Variants in MAGI2 observed in about 807,000 individuals in gnomAD.
MAGI2 encodes the protein membrane-associated guanylate kinase, WW and PDZ domain-containing protein 2.
In MAGI2, 35 loss-of-function variants were observed where a neutral mutation model predicts 133.3. That is an observed-to-expected ratio of 0.26 (90% CI 0.20 to 0.35). The LOEUF is 0.35. Ranked by LOEUF, MAGI2 falls within the 10% of genes least tolerant of loss-of-function variation. MAGI2 has a pLI of 1.00. For synonymous variants in MAGI2, 729 were observed against 710.6 expected, an observed-to-expected ratio of 1.03 and a Z score of -0.41; for missense variants, 1,636 against 1,863.4, an observed-to-expected ratio of 0.88 and a Z score of 2.25.
chr7:78,357,764 T>A (rs1792242834), intron 7 of MAGI2, among the ~76,000 whole-genome samples: 1 of 152,092 alleles, frequency 6.6e-6, no homozygotes, highest in African/African-American at 2.4e-5. Flanking sequence ...TTCTTTTGCC[T>A]TTAGTAGATC....
At chr7:78,591,001 C>T (rs942828088) in intron 3 of MAGI2, among the ~76,000 whole-genome samples, 2 of 152,102 alleles carry the variant, frequency 1.3e-5, no homozygotes, top group Non-Finnish European at 2.9e-5. Context: ...CTCTGACTTT[C>T]CTCTCTATAT....
intron 1 of MAGI2, among the ~76,000 whole-genome samples, chr7:79,422,986 G>T (rs1043507120): frequency 7.9e-5 from 12 of 152,016 alleles, no homozygotes; most frequent in African/African-American, 2.9e-4. Flanking sequence ...ACAAACTCAT[G>T]AAACATAAGA....
At chr7:78,770,453 C>G (rs565519738) in intron 2 of MAGI2, among the ~76,000 whole-genome samples, 2 of 152,330 alleles carry the variant, frequency 1.3e-5, no homozygotes, top group South Asian at 2.1e-4. Context: ...GTTCTCTGAA[C>G]TATTCTGACA....
At chr7:79,153,167 T>G (rs1823429224) in intron 1 of MAGI2, among the ~76,000 whole-genome samples, 1 of 152,168 alleles carries the variant, frequency 6.6e-6, no homozygotes, top group Admixed American at 6.5e-5. Flanking sequence ...ATACCCAGGA[T>G]AGTTGAGAAT....
intron 2 of MAGI2, among the ~76,000 whole-genome samples, chr7:78,629,986 A>G (rs1808783296): frequency 6.6e-6 from 1 of 151,912 alleles, no homozygotes; most frequent in Non-Finnish European, 1.5e-5. Flanking sequence ...TAAATTAAAT[A>G]AATATTTTAT....
chr7:78,498,132 G>T (rs1485727139), intron 5 of MAGI2, among the ~76,000 whole-genome samples: 1 of 151,446 alleles, frequency 6.6e-6, no homozygotes, highest in African/African-American at 2.4e-5. Flanking sequence ...GCTGAGAGTA[G>T]ATTTTAAGTG....
At chr7:79,096,253 T>C (rs1817501447) in intron 1 of MAGI2, among the ~76,000 whole-genome samples, 1 of 152,156 alleles carries the variant, frequency 6.6e-6, no homozygotes, top group African/African-American at 2.4e-5. Context: ...TCAGGGTAGT[T>C]ATTCCCCAGT....
intron 21 of MAGI2, among the ~76,000 whole-genome samples, chr7:78,074,924 C>T (rs1269709598): frequency 6.6e-6 from 1 of 152,202 alleles, no homozygotes; most frequent in Admixed American, 6.5e-5. Flanking sequence ...AGACTGCTCT[C>T]CTTAGAAAGG....
intron 9 of MAGI2, among the ~76,000 whole-genome samples, chr7:78,336,000 A>G (rs138714741): frequency 2.0e-5 from 3 of 152,316 alleles, no homozygotes; most frequent in Admixed American, 6.5e-5. Flanking sequence ...AAACCGTTAA[A>G]TCAAGACAAC....
intron 7 of MAGI2, among the ~76,000 whole-genome samples, chr7:78,354,415 A>G (rs1292399656): frequency 1.3e-5 from 2 of 152,220 alleles, no homozygotes; most frequent in Non-Finnish European, 2.9e-5. Flanking sequence ...TCAGAGAATT[A>G]CCAAGGACAC....
At chr7:78,076,836 G>C (rs370885499) in intron 21 of MAGI2, among the ~76,000 whole-genome samples, 2 of 105,950 alleles carry the variant, frequency 1.9e-5, no homozygotes, top group South Asian at 7.0e-4. Flanking sequence ...CTGGGCGACA[G>C]AGCGAGACTC....
intron 9 of MAGI2, among the ~76,000 whole-genome samples, chr7:78,294,093 ATTCT>A (rs1322386618): frequency 5.3e-5 from 8 of 152,090 alleles, no homozygotes; most frequent in Non-Finnish European, 1.2e-4. Context: ...AATATATATA[ATTCT>A]TTAGGAAATA....
intron 20 of MAGI2, among the ~76,000 whole-genome samples, chr7:78,111,944 C>T (rs1430666072): frequency 6.6e-6 from 1 of 152,150 alleles, no homozygotes; most frequent in Non-Finnish European, 1.5e-5. Context: ...CAATGCAGGG[C>T]CCTCGAAATG....
intron 2 of MAGI2, among the ~76,000 whole-genome samples, chr7:78,703,376 G>A (rs1489573354): frequency 1.3e-5 from 2 of 151,990 alleles, no homozygotes; most frequent in African/African-American, 4.8e-5. Flanking sequence ...AAGTAAGAGG[G>A]TTAAAGAAAG....
intron 1 of MAGI2, among the ~76,000 whole-genome samples, chr7:79,154,883 A>G (rs1257197175): frequency 6.6e-6 from 1 of 152,222 alleles, no homozygotes; most frequent in Non-Finnish European, 1.5e-5. Flanking sequence ...AAAACAAAAC[A>G]GCAACAACAA....
At chr7:78,771,894 A>T (rs1457448082) in intron 2 of MAGI2, among the ~76,000 whole-genome samples, 5 of 152,174 alleles carry the variant, frequency 3.3e-5, no homozygotes, top group African/African-American at 1.2e-4. Context: ...GAGACAAATA[A>T]TTTTTCCCTT....
intron 2 of MAGI2, 57 bp downstream of exon 2, chr7:79,007,033 T>G (rs1434588387): frequency 8.0e-7 from 1 of 1,250,242 alleles, no homozygotes; most frequent in Admixed American, 2.4e-5. Flanking sequence ...TCAATGAATA[T>G]ATAGCTAAAC....
chr7:78,346,568 A>C (rs759001950), intron 7 of MAGI2, among the ~76,000 whole-genome samples: 40 of 152,194 alleles, frequency 2.6e-4, no homozygotes, highest in South Asian at 8.3e-4. Context: ...TACAGAATAC[A>C]TATGTAGGAC....
At chr7:78,412,763 A>G (rs1797979867) in intron 6 of MAGI2, among the ~76,000 whole-genome samples, 1 of 152,054 alleles carries the variant, frequency 6.6e-6, no homozygotes, top group South Asian at 2.1e-4. Context: ...TTGTTACCTG[A>G]GGGAGAAAAT....
Sources: gnomAD v4.1 joint callset for allele counts (sites outside exome capture counted in the v4.1 genomes callset) on GRCh38, gnomAD v4.1.1 for gene constraint, MANE v1.5 for transcripts, NCBI Gene and HGNC (gene_info 2026-07-23, HGNC 2026-07-21) for gene names.